EPM2A: variants seen among roughly 807,000 people sequenced by gnomAD.
The protein encoded by EPM2A is laforin.
Under a neutral mutation model 26.5 loss-of-function variants are expected in EPM2A, and 21 were observed. The observed-to-expected ratio is 0.79, with a 90% CI of 0.56 to 1.14. The LOEUF is 1.14. Ranked by LOEUF, EPM2A falls within the 50% of genes most tolerant of loss-of-function variation. The probability of loss-of-function intolerance (pLI) is 0.00; values close to 1 mark genes in which losing one functional copy is unlikely to be tolerated. For synonymous variants in EPM2A, 217 were observed against 177.6 expected, an observed-to-expected ratio of 1.22 and a Z score of -1.76; for missense variants, 458 against 440.8, an observed-to-expected ratio of 1.04 and a Z score of -0.35.
At chr6:145,440,494 C>G (rs1381254826) in intron 4 of EPM2A, among the ~76,000 whole-genome samples, 1 of 152,138 alleles carries the variant, frequency 6.6e-6, no homozygotes, top group African/African-American at 2.4e-5. Context: ...CCAATAGTCC[C>G]CAAAGTCTTA....
chr6:145,570,762 T>G (rs1261006830), intron 2 of EPM2A, among the ~76,000 whole-genome samples: 2 of 152,210 alleles, frequency 1.3e-5, no homozygotes, highest in African/African-American at 4.8e-5. Context: ...CTCTTGTAGT[T>G]TCCCATTGAC....
chr6:145,626,258 G>A lies in EPM2A; in HGVS notation c.*1158C>T. ...GTTGTTCATCTCTGTATTTCCTGTA[G>A]AACCTAGGGTGATGAGCTGCATAGT... On this transcript the variant is annotated 3_prime_UTR_variant, in exon 4 of 4. Transcript: ENST00000367519. 1.0e-6 allele frequency: 1 copy of A among 990,038 alleles called. No individual in the cohort carries two copies. The highest frequency in any genetic ancestry group is 1.2e-6 in the Non-Finnish European group (1 of 832,670). The allele number at this position is 990,038 out of a possible 1,614,324, so 61.3% of individuals were successfully genotyped here.
intron 4 of EPM2A, among the ~76,000 whole-genome samples, chr6:145,481,457 C>G (rs1779610437): frequency 6.6e-6 from 1 of 152,042 alleles, no homozygotes. Flanking sequence ...GAAAGCATTA[C>G]CGGTAGCTGC....
intron 2 of EPM2A, among the ~76,000 whole-genome samples, chr6:145,540,298 C>T (rs1780488965): frequency 1.3e-5 from 2 of 152,178 alleles, no homozygotes; most frequent in African/African-American, 2.4e-5. Flanking sequence ...GGAAAGAATA[C>T]ATTGGAAGTT....
chr6:145,534,009 G>C (rs1168578762), intron 2 of EPM2A, among the ~76,000 whole-genome samples: 1 of 152,032 alleles, frequency 6.6e-6, no homozygotes, highest in Non-Finnish European at 1.5e-5. Context: ...CCTTTGTCAA[G>C]AGGAGTTGTT....
At chr6:145,674,746 GT>G (rs1354426596) in intron 2 of EPM2A, among the ~76,000 whole-genome samples, 1 of 151,582 alleles carries the variant, frequency 6.6e-6, no homozygotes, top group Non-Finnish European at 1.5e-5. Context: ...AGAAAAAAGA[GT>G]AAAAACAAAA....
At chr6:145,465,526 T>G (rs1306122301) in intron 4 of EPM2A, among the ~76,000 whole-genome samples, 1 of 84,540 alleles carries the variant, frequency 1.2e-5, no homozygotes, top group East Asian at 6.1e-4. Context: ...ACTGCGTTCC[T>G]TTGGAGAGGA....
intron 4 of EPM2A, among the ~76,000 whole-genome samples, chr6:145,431,109 C>T (rs977637389): frequency 6.6e-6 from 1 of 152,094 alleles, no homozygotes; most frequent in African/African-American, 2.4e-5. Flanking sequence ...ATAAAATCAC[C>T]AATAGCCTAT....
At chr6:145,542,943 G>C (rs1780534357) in intron 2 of EPM2A, among the ~76,000 whole-genome samples, 1 of 152,114 alleles carries the variant, frequency 6.6e-6, no homozygotes, top group Non-Finnish European at 1.5e-5. Flanking sequence ...ATTTTTAGTA[G>C]AGACGGGGTT....
At chr6:145,525,925 A>C (rs1238549837) in intron 2 of EPM2A, among the ~76,000 whole-genome samples, 1 of 151,900 alleles carries the variant, frequency 6.6e-6, no homozygotes, top group Non-Finnish European at 1.5e-5. Context: ...ATTGGCTGTG[A>C]GTTTGTCAGA....
rs192681027 is a variant in EPM2A at position 145,677,017 on chromosome 6, C to T, written c.476+9105G>A. 5.5e-4 allele frequency among the ~76,000 whole-genome samples: 83 copies of T among 152,220 alleles called. No individual in the cohort carries two copies. The East Asian group carries it at 0.014, about 26-fold the overall frequency. Reference sequence around the variant, plus strand: ...TTAGACCAATATCCCTGATGAACATCGATGCAAAAATCCTCAGTAAAATAC... The same window carrying T: ...TTAGACCAATATCCCTGATGAACATTGATGCAAAAATCCTCAGTAAAATAC... On this transcript the variant is annotated intron_variant, in intron 2 of 3. Coordinates refer to ENST00000367519, the MANE Select transcript of EPM2A (RefSeq NM_005670.4).
At chr6:145,721,265 A>C (rs1352321229) in intron 1 of EPM2A, 2 of 152,226 alleles carry the variant, frequency 1.3e-5, no homozygotes, top group Non-Finnish European at 2.9e-5. Flanking sequence ...TTTACCATTT[A>C]AAACCATAAA....
intron 2 of EPM2A, among the ~76,000 whole-genome samples, chr6:145,609,242 T>C (rs555913385): frequency 3.2e-4 from 48 of 152,320 alleles, no homozygotes; most frequent in South Asian, 2.3e-3. Context: ...CCAGTGAATA[T>C]ACCTAATCTA....
intron 1 of EPM2A, among the ~76,000 whole-genome samples, chr6:145,709,432 C>T (rs963307199): frequency 5.3e-5 from 8 of 152,206 alleles, no homozygotes; most frequent in South Asian, 4.2e-4. Context: ...ATAAGTCTCA[C>T]GATATCTGAT....
chr6:145,612,444 T>C (rs1775411230), intron 2 of EPM2A, among the ~76,000 whole-genome samples: 1 of 152,136 alleles, frequency 6.6e-6, no homozygotes. Context: ...ACACAAATTA[T>C]CTTTTTTATT....
intron 1 of EPM2A, among the ~76,000 whole-genome samples, chr6:145,729,625 AC>A (rs145215538): frequency 0.54 from 82,236 of 151,990 alleles, 22,763 homozygotes; most frequent in East Asian, 0.67. Flanking sequence ...CAATGTCTGT[AC>A]CCCCATTGTA....
At chr6:145,430,372 G>T (rs1171851539) in intron 4 of EPM2A, among the ~76,000 whole-genome samples, 8 of 152,064 alleles carry the variant, frequency 5.3e-5, no homozygotes, top group African/African-American at 1.7e-4. Context: ...GGCCAAGGCG[G>T]CCGGATCACC....
chr6:145,419,185 C>G lies in EPM2A; in HGVS notation c.556-35088G>C, dbSNP rs573270167. Among the ~76,000 whole-genome samples the G allele has an allele frequency of 1.1e-4, 16 of 149,244 alleles. 1 individual carries two copies. The highest frequency in any genetic ancestry group is 2.7e-4 in the African/African-American group (11 of 40,752). On this transcript the variant is annotated intron_variant, in intron 4 of 4. Transcript: ENST00000638717. ...CAAGCAAATTCTGTTAAATGTCCCCCCCCCCCGCTCCTTTCCCCAGCAGCG... is the reference window on the plus strand; with the variant it reads ...CAAGCAAATTCTGTTAAATGTCCCCGCCCCCCGCTCCTTTCCCCAGCAGCG...
intron 4 of EPM2A, among the ~76,000 whole-genome samples, chr6:145,474,359 G>A (rs1349703249): frequency 6.6e-6 from 1 of 152,076 alleles, no homozygotes; most frequent in Non-Finnish European, 1.5e-5. Flanking sequence ...CTACTCAGGA[G>A]GCTGAGGCAG....
Sources: gnomAD v4.1 joint callset for allele counts (sites outside exome capture counted in the v4.1 genomes callset) on GRCh38, gnomAD v4.1.1 for gene constraint, MANE v1.5 for transcripts, NCBI Gene and HGNC (gene_info 2026-07-23, HGNC 2026-07-21) for gene names.